P3H1: variants seen among roughly 807,000 people sequenced by gnomAD.
The protein encoded by P3H1 is prolyl 3-hydroxylase 1.
Under a neutral mutation model 84.0 loss-of-function variants are expected in P3H1, and 69 were observed. That is an observed-to-expected ratio of 0.82 (90% CI 0.68 to 1.00). The LOEUF is 1.00. Among genes scored for constraint, P3H1 ranks in the 50% least tolerant of loss-of-function variants. The probability of loss-of-function intolerance (pLI) is 0.00; values close to 1 mark genes in which losing one functional copy is unlikely to be tolerated. For missense variants in P3H1, 878 were observed against 962.8 expected, an observed-to-expected ratio of 0.91 and a Z score of 1.17; for synonymous variants, 366 against 388.8, an observed-to-expected ratio of 0.94 and a Z score of 0.69.
intron 1 of P3H1, among the ~76,000 whole-genome samples, chr1:42,766,017 G>C (rs59235927): frequency 0.043 from 4,405 of 103,346 alleles, 307 homozygotes; most frequent in African/African-American, 0.12. Context: ...TCCCCCCCCC[G>C]CCCCCACACA....
In P3H1 at chr1:42,766,915, G is replaced by A. The variant is rs757149483; in HGVS notation, c.57C>T (p.Ala19=). 7 of 1,609,184 alleles carry A rather than the reference G, an allele frequency of 4.4e-6. No homozygotes were observed. The highest frequency in any genetic ancestry group is 5.9e-6 in the Non-Finnish European group (7 of 1,179,822). ...LTTLLAVVAA[A]SQAEVESEAG... is the part of the protein sequence containing the mutation. ...CCTCGGACTCGACCTCGGCTTGGGA[G>A]GCAGCGGCCACGACAGCCAGCAGTG... Residue 19 remains alanine (A), a synonymous_variant, in exon 1 of 15, where the codon GCC becomes GCT. Coordinates refer to ENST00000296388, the MANE Select transcript of P3H1 (RefSeq NM_022356.4).
chr1:42,747,448 A>C, intron 13 of P3H1, 36 bp from the exon 14 acceptor site: 1 of 1,587,896 alleles, frequency 6.3e-7, no homozygotes, highest in Non-Finnish European at 8.6e-7. Context: ...GTTGCACAGG[A>C]CAAAGACTGT....
At position 42,762,296 on chromosome 1, in the gene P3H1, GA is replaced by G. The variant is rs775161285; in HGVS notation, c.618+26del. On this transcript the variant is annotated intron_variant, in intron 2 of 14. Coordinates refer to ENST00000296388, the MANE Select transcript of P3H1 (RefSeq NM_022356.4). ...TAAAATAAATTTAAAAAGAAAGAAAGAAAGAAGGGGATAAAGTTTTTTTCAC... is the reference window on the plus strand; with the variant it reads ...TAAAATAAATTTAAAAAGAAAGAAAGAAGAAGGGGATAAAGTTTTTTTCAC... The G allele has an allele frequency of 4.3e-6, 7 of 1,610,560 alleles. No individual in the cohort carries two copies. In the African/African-American group the frequency reaches 9.4e-5, roughly 22 times the overall value.
At chr1:42,757,315 G>T (rs1652453583) in intron 5 of P3H1, among the ~76,000 whole-genome samples, 1 of 152,102 alleles carries the variant, frequency 6.6e-6, no homozygotes, top group African/African-American at 2.4e-5. Flanking sequence ...TATTTCTCCT[G>T]GTTTTGGAGA....
rs1224633710 is a variant in P3H1 at position 42,759,286 on chromosome 1, C to T, written c.723G>A (p.Glu241=). 1 of 1,614,074 alleles carries T rather than the reference C, an allele frequency of 6.2e-7. No individual in the cohort carries two copies. Among genetic ancestry groups the T allele is most frequent in the Non-Finnish European group, 8.5e-7 (1 of 1,180,048 alleles). Residue 241 remains glutamate, a synonymous_variant, in exon 3 of 15, where the codon GAG becomes GAA. Coordinates refer to ENST00000296388, the MANE Select transcript of P3H1 (RefSeq NM_022356.4). ...AGGGCCCTTCGCAGAGGGCACGGCA[C>T]TCCTCATAGGCCACAAAGTATTCTT... is the stretch of plus-strand genomic sequence containing the variant. ...ALQEYFVAYE[E]CRALCEGPYD...
chr1:42,748,695 G>A, intron 11 of P3H1: 1 of 330,468 alleles, frequency 3.0e-6, no homozygotes, highest in Non-Finnish European at 6.0e-6. Context: ...CATCAGGACT[G>A]CAGGAGATGG....
chr1:42,750,384 T>A, intron 10 of P3H1, 48 bp from the exon 11 acceptor site: 1 of 1,608,818 alleles, frequency 6.2e-7, no homozygotes, highest in South Asian at 1.1e-5. Context: ...TGATATGGTT[T>A]GGCTCTGTGT....
At chr1:42,756,938 C>T (rs771618467) in intron 5 of P3H1, among the ~76,000 whole-genome samples, 2 of 152,240 alleles carry the variant, frequency 1.3e-5, no homozygotes, top group Non-Finnish European at 2.9e-5. Context: ...ATACAGCCCA[C>T]CCCGCACAGA....
intron 10 of P3H1, among the ~76,000 whole-genome samples, chr1:42,751,182 A>C (rs1192969849): frequency 7.5e-6 from 1 of 132,642 alleles, no homozygotes; most frequent in Non-Finnish European, 1.6e-5. Context: ...GTCTGTGTGG[A>C]TAGAAGTAGA....
intron 8 of P3H1, 145 bp from the exon 9 acceptor site, chr1:42,752,809 G>T: frequency 9.6e-7 from 1 of 1,043,836 alleles, no homozygotes; most frequent in Non-Finnish European, 1.4e-6. Flanking sequence ...ATTTTCAAAG[G>T]TAGAATAGTC....
At position 42,750,305 on chromosome 1, in the gene P3H1, C is replaced by A; in HGVS notation, c.1601G>T (p.Ser534Ile). ...LGQEGKVPLQ[S>I]AHLYYNVTEK... Reference sequence around the variant, plus strand: ...CGTCACGTTGTAGTACAGGTGGGCACTCTGCAGAGGAACTTTGCCTTCTTG... The same window carrying A: ...CGTCACGTTGTAGTACAGGTGGGCAATCTGCAGAGGAACTTTGCCTTCTTG... Residue 534 changes from serine to isoleucine, a missense_variant, in exon 11 of 15, where the codon AGT becomes ATT. Physicochemically the swap from Ser to Ile is moderately radical, Grantham distance 142 (BLOSUM62 -2). Coordinates refer to ENST00000296388, the MANE Select transcript of P3H1 (RefSeq NM_022356.4). 2.5e-6 allele frequency: 4 copies of A among 1,614,082 alleles called. No homozygotes were observed. The highest frequency in any genetic ancestry group is 3.4e-6 in the Non-Finnish European group (4 of 1,180,010).
intron 1 of P3H1, among the ~76,000 whole-genome samples, chr1:42,765,180 C>A (rs1363198091): frequency 6.6e-6 from 1 of 152,226 alleles, no homozygotes; most frequent in African/African-American, 2.4e-5. Context: ...CTCGACATTG[C>A]AATCACAAGA....
intron 11 of P3H1, among the ~76,000 whole-genome samples, chr1:42,749,461 C>T (rs1054949008): frequency 2.0e-5 from 3 of 152,036 alleles, no homozygotes; most frequent in Non-Finnish European, 4.4e-5. Flanking sequence ...TGTGGGTGGG[C>T]GAGGGAATGA....
intron 10 of P3H1, among the ~76,000 whole-genome samples, chr1:42,752,002 C>T (rs1007971484): frequency 4.6e-5 from 7 of 152,220 alleles, no homozygotes; most frequent in Non-Finnish European, 7.3e-5. Context: ...AGAAGCACAG[C>T]CCTCTAGAAT....
At chr1:42,756,947 G>A (rs1388056370) in intron 5 of P3H1, among the ~76,000 whole-genome samples, 1 of 152,256 alleles carries the variant, frequency 6.6e-6, no homozygotes, top group African/African-American at 2.4e-5. Flanking sequence ...ACCCCGCACA[G>A]AGCTTCGCCT....
intron 7 of P3H1, 54 bp from the exon 8 acceptor site, chr1:42,755,044 C>A: frequency 1.1e-5 from 18 of 1,614,054 alleles, no homozygotes; most frequent in South Asian, 7.7e-5. Flanking sequence ...CTGGGCTCCA[C>A]CCCGACTTCC....
In P3H1 at chr1:42,747,289, G is replaced by A; in HGVS notation, c.2038C>T (p.Pro680Ser). The A allele has an allele frequency of 6.2e-7, 1 of 1,613,574 alleles. No individual in the cohort carries two copies. The highest frequency in any genetic ancestry group is 8.5e-7 in the Non-Finnish European group (1 of 1,179,716). Residue 680 changes from proline to serine, a missense_variant, in exon 14 of 15, where the codon CCT (proline) becomes TCT (serine). Pro to Ser is a moderately conservative substitution (Grantham distance 74). Coordinates refer to ENST00000296388, the MANE Select transcript of P3H1 (RefSeq NM_022356.4). ...GCTCTCACCCGCTCGCTGTGTCGAG[G>A]GTCCAGGGTGAACCACAGGGCGATG... ...CAIALWFTLD[P>S]RHSERDRVQA...
intron 10 of P3H1, among the ~76,000 whole-genome samples, chr1:42,750,688 A>G (rs1438056242): frequency 1.0e-4 from 8 of 77,808 alleles, no homozygotes; most frequent in South Asian, 5.4e-4. Context: ...TCCGGGAGGG[A>G]GGTGGGGGGG....
intron 11 of P3H1, among the ~76,000 whole-genome samples, chr1:42,749,637 C>T (rs1651920787): frequency 6.6e-6 from 1 of 152,232 alleles, no homozygotes; most frequent in Non-Finnish European, 1.5e-5. Context: ...CTTAGTTCCC[C>T]TGACTACCAG....
Sources: allele counts gnomAD v4.1 joint callset (sites outside exome capture counted in the v4.1 genomes callset), GRCh38; gene constraint gnomAD v4.1.1; transcripts MANE v1.5; gene names NCBI Gene and HGNC (gene_info 2026-07-23, HGNC 2026-07-21).